Variants in GDAP1 observed in about 807,000 individuals in gnomAD.
GDAP1 encodes the protein ganglioside-induced differentiation-associated protein 1.
A neutral mutation model predicts 40.1 loss-of-function variants in GDAP1; 34 were observed. The ratio of observed to expected loss-of-function variants is 0.85; its 90% CI spans 0.64 to 1.13. GDAP1 has a LOEUF of 1.13. Among genes scored for constraint, GDAP1 ranks in the 50% most tolerant of loss-of-function variants. GDAP1 has a pLI of 0.00. For synonymous variants in GDAP1, 170 were observed against 157.4 expected, an observed-to-expected ratio of 1.08 and a Z score of -0.60; for missense variants, 374 against 433.7, an observed-to-expected ratio of 0.86 and a Z score of 1.22.
At chr8:74,420,577 C>A (rs1218937354) in intron 2 of GDAP1, among the ~76,000 whole-genome samples, 1 of 152,140 alleles carries the variant, frequency 6.6e-6, no homozygotes, top group Non-Finnish European at 1.5e-5. Context: ...GTAACAACAC[C>A]TGCAGCTACC....
At chr8:74,396,354 T>TTTATTA (rs993148799) in intron 2 of GDAP1, among the ~76,000 whole-genome samples, 3 of 151,048 alleles carry the variant, frequency 2.0e-5, no homozygotes, top group Non-Finnish European at 4.4e-5. Flanking sequence ...TTCCTTTTAT[T>TTTATTA]TTATTATTAT....
rs1037448487 is a variant in GDAP1 at position 74,467,949 on chromosome 8, A to G, written c.166-20729A>G. Reference sequence around the variant, plus strand: ...ATCTCTTGGACAATTTTCTTAGAACATGATTTGAGATATTGATATAACCTG... The same window carrying G: ...ATCTCTTGGACAATTTTCTTAGAACGTGATTTGAGATATTGATATAACCTG... On this transcript the variant is annotated intron_variant, in intron 2 of 2. Coordinates refer to the GDAP1 transcript ENST00000523640. Among the ~76,000 whole-genome samples, 19 of 152,100 alleles carry G rather than the reference A, an allele frequency of 1.2e-4. No individual in the cohort carries two copies. The East Asian group carries it at 2.5e-3, about 20-fold the overall frequency.
At chr8:74,486,784 G>A (rs745596391) in intron 2 of GDAP1, among the ~76,000 whole-genome samples, 21 of 152,006 alleles carry the variant, frequency 1.4e-4, no homozygotes, top group Non-Finnish European at 2.8e-4. Flanking sequence ...TTCTGCCCTC[G>A]GCAGTTTCTC....
chr8:74,377,269 G>A (rs761660519), intron 2 of GDAP1, among the ~76,000 whole-genome samples: 17 of 151,924 alleles, frequency 1.1e-4, no homozygotes, highest in East Asian at 1.9e-4. Flanking sequence ...CCACAGAATC[G>A]ATGAGAATAT....
chr8:74,470,495 C>T (rs1483070320), intron 2 of GDAP1, among the ~76,000 whole-genome samples: 1 of 152,042 alleles, frequency 6.6e-6, no homozygotes, highest in African/African-American at 2.4e-5. Flanking sequence ...TCAGTGAGAA[C>T]ATGTGGTGTC....
intron 2 of GDAP1, among the ~76,000 whole-genome samples, chr8:74,476,188 A>C (rs1401888010): frequency 6.6e-6 from 1 of 152,126 alleles, no homozygotes; most frequent in Non-Finnish European, 1.5e-5. Flanking sequence ...ATTGCATGTG[A>C]AATGGGTCTC....
chr8:74,353,676 C>T (rs187680923), intron 2 of GDAP1, among the ~76,000 whole-genome samples: 1 of 152,292 alleles, frequency 6.6e-6, no homozygotes, highest in East Asian at 1.9e-4. Flanking sequence ...CACCTGGGAG[C>T]TTGTTAGAAC....
chr8:74,479,489 A>G (rs948794706), intron 2 of GDAP1, among the ~76,000 whole-genome samples: 1 of 152,176 alleles, frequency 6.6e-6, no homozygotes, highest in Non-Finnish European at 1.5e-5. Context: ...TGTTGCTTCT[A>G]TGTTAAATGA....
rs528974898 is a variant in GDAP1, at chr8:74,401,941, G to A, written c.165+50620G>A. 2.7e-4 allele frequency among the ~76,000 whole-genome samples: 40 copies of A among 150,222 alleles called. 5 individuals are homozygous for A. The highest frequency in any genetic ancestry group is 6.3e-4 in the African/African-American group (25 of 39,546). ...TTTTGTCTCAGAGGAGTACCCGGCCGTGTGGTGTCAGTCTGCCCCTACTAG... is the reference window on the plus strand; with the variant it reads ...TTTTGTCTCAGAGGAGTACCCGGCCATGTGGTGTCAGTCTGCCCCTACTAG... On this transcript the variant is annotated intron_variant, in intron 2 of 2. Transcript: ENST00000523640.
At chr8:74,367,098 C>CA (rs71563287), downstream of GDAP1, 2,162 of 140,058 alleles carry the variant, frequency 0.015, 56 homozygotes, top group South Asian at 0.037. Context: ...ACTGATCTCT[C>CA]AAAAAAAAAA....
intron 2 of GDAP1, among the ~76,000 whole-genome samples, chr8:74,407,947 T>TA (rs1199305257): frequency 6.7e-6 from 1 of 150,004 alleles, no homozygotes; most frequent in Non-Finnish European, 1.5e-5. Context: ...AAAAACTCCC[T>TA]TAAAACACCA....
At chr8:74,463,360 A>T (rs756080643) in intron 2 of GDAP1, among the ~76,000 whole-genome samples, 2 of 150,276 alleles carry the variant, frequency 1.3e-5, no homozygotes, top group Non-Finnish European at 2.9e-5. Flanking sequence ...CAGAAGGGTG[A>T]TATATGAGGA....
At chr8:74,404,681 CAGCTGATCT>C (rs1292577203) in intron 2 of GDAP1, among the ~76,000 whole-genome samples, 2 of 149,652 alleles carry the variant, frequency 1.3e-5, no homozygotes, top group Admixed American at 6.6e-5. Context: ...TTGATATTGT[CAGCTGATCT>C]TTAGGGAGAC....
At chr8:74,423,469 A>G (rs1805908156) in intron 2 of GDAP1, among the ~76,000 whole-genome samples, 1 of 149,586 alleles carries the variant, frequency 6.7e-6, no homozygotes, top group Non-Finnish European at 1.5e-5. Context: ...GCTGTTTTAC[A>G]CAGATTGGGT....
chr8:74,461,709 A>G (rs1419000679), intron 2 of GDAP1, among the ~76,000 whole-genome samples: 1 of 152,216 alleles, frequency 6.6e-6, no homozygotes, highest in Non-Finnish European at 1.5e-5. Flanking sequence ...CAGACAGGGA[A>G]GTACAATGTG....
chr8:74,362,782 C>T (rs1356983103), intron 4 of GDAP1, among the ~76,000 whole-genome samples, 157 bp from the exon 5 acceptor site: 41 of 30,456 alleles, frequency 1.3e-3, no homozygotes, highest in African/African-American at 3.0e-3. Flanking sequence ...CTCTCTCTCT[C>T]TCTTTTTTTT....
chr8:74,435,955 G>A (rs1481327191), intron 2 of GDAP1, among the ~76,000 whole-genome samples: 1 of 152,194 alleles, frequency 6.6e-6, no homozygotes, highest in Non-Finnish European at 1.5e-5. Context: ...ATCATTCCAA[G>A]CATGTCAAGA....
chr8:74,469,293 T>A (rs1330431620), intron 2 of GDAP1, among the ~76,000 whole-genome samples: 1 of 152,224 alleles, frequency 6.6e-6, no homozygotes, highest in Non-Finnish European at 1.5e-5. Flanking sequence ...AATTAGGATT[T>A]TTTTCCTTTT....
intron 2 of GDAP1, among the ~76,000 whole-genome samples, chr8:74,375,991 T>A (rs925145804): frequency 6.6e-6 from 1 of 152,174 alleles, no homozygotes; most frequent in Non-Finnish European, 1.5e-5. Context: ...AATTGAAGAA[T>A]GAAGTGAAAA....
Sources: allele counts gnomAD v4.1 joint callset (sites outside exome capture counted in the v4.1 genomes callset), GRCh38; gene constraint gnomAD v4.1.1; transcripts MANE v1.5; gene names NCBI Gene and HGNC (gene_info 2026-07-23, HGNC 2026-07-21).